Variants in SYT9 observed in about 807,000 individuals in gnomAD.
SYT9 encodes the protein synaptotagmin-9.
Under a neutral mutation model 48.4 loss-of-function variants are expected in SYT9, and 22 were observed. The observed-to-expected ratio is 0.45, with a 90% CI of 0.32 to 0.65. SYT9 has a LOEUF of 0.65. Ranked by LOEUF, SYT9 falls within the 30% of genes least tolerant of loss-of-function variation. The pLI, the probability that SYT9 is intolerant of heterozygous loss-of-function variation, is 0.03. For missense variants in SYT9, 577 were observed against 622.0 expected (o/e 0.93, Z 0.77); for synonymous variants, 265 against 245.0 (o/e 1.08, Z -0.76).
At chr11:7,393,254 C>T (rs539413295) in intron 3 of SYT9, among the ~76,000 whole-genome samples, 102 of 144,100 alleles carry the variant, frequency 7.1e-4, no homozygotes, top group African/African-American at 2.5e-3. Context: ...ATGGCTCTTT[C>T]TATTTTGAGG....
Position 7,416,064 on chromosome 11 carries a change from T to C in SYT9, c.1067T>C (p.Leu356Pro). 6.2e-7 allele frequency: 1 copy of C among 1,614,180 alleles called. No individual in the cohort carries two copies. Among genetic ancestry groups the C allele is most frequent in the Non-Finnish European group, 8.5e-7 (1 of 1,180,022 alleles). Reference protein sequence around the residue: ...VTNDNVDLGELMFSLCYLPTA... With the variant: ...VTNDNVDLGEPMFSLCYLPTA... ...CAGGACAACGTGGATCTGGGAGAGC[T>C]GATGTTTTCCCTGTGCTATCTTCCA... The change falls in exon 4 of 7, where the codon CTG becomes CCG. Residue 356 changes from leucine (L) to proline (P), a missense_variant. Coordinates refer to ENST00000318881, the MANE Select transcript of SYT9 (RefSeq NM_175733.4).
rs571558237 is a variant in SYT9, at chr11:7,296,160, A to G, written c.146-6879A>G. 5.7e-4 allele frequency among the ~76,000 whole-genome samples: 87 copies of G among 152,346 alleles called. 1 individual carries two copies. The highest frequency in any genetic ancestry group is 2.0e-3 in the African/African-American group (85 of 41,582). Reference sequence around the variant, plus strand: ...ACTTCTACCTTCCTAAATATTCACTAAACCCCTAAGAGATAGGTACTATTA... The same window carrying G: ...ACTTCTACCTTCCTAAATATTCACTGAACCCCTAAGAGATAGGTACTATTA... On this transcript the variant is annotated intron_variant, in intron 1 of 6. Coordinates refer to ENST00000318881, the MANE Select transcript of SYT9 (RefSeq NM_175733.4).
intron 2 of SYT9, 73 bp downstream of exon 2, chr11:7,303,463 G>A: frequency 7.7e-7 from 1 of 1,295,056 alleles, no homozygotes; most frequent in Non-Finnish European, 1.0e-6. Flanking sequence ...CAATAGCACT[G>A]ATAGGTCAAG....
At chr11:7,247,535 A>G (rs1847805811), upstream of SYT9, among the ~76,000 whole-genome samples, 1 of 148,674 alleles carries the variant, frequency 6.7e-6, no homozygotes, top group African/African-American at 2.5e-5. Context: ...ATATATACAT[A>G]TATATACACG....
chr11:7,242,021 A>C (rs1057161103), intron 1 of SYT9, among the ~76,000 whole-genome samples: 1 of 152,248 alleles, frequency 6.6e-6, no homozygotes, highest in African/African-American at 2.4e-5. Flanking sequence ...TGCTAATTAC[A>C]ATAACTATTT....
chr11:7,401,875 A>G (rs1000882628), intron 3 of SYT9, among the ~76,000 whole-genome samples: 2 of 150,576 alleles, frequency 1.3e-5, no homozygotes, highest in African/African-American at 2.4e-5. Context: ...CTTTCCTTAT[A>G]TCTCCTTTTT....
intron 3 of SYT9, among the ~76,000 whole-genome samples, chr11:7,336,103 GCT>G (rs1408289792): frequency 6.6e-6 from 1 of 152,064 alleles, no homozygotes; most frequent in East Asian, 1.9e-4. Flanking sequence ...CTGATACTGA[GCT>G]CTTTTTCATA....
chr11:7,241,229 C>T (rs1309845642), intron 1 of SYT9, among the ~76,000 whole-genome samples: 1 of 147,620 alleles, frequency 6.8e-6, no homozygotes, highest in East Asian at 1.9e-4. Context: ...CACACACACA[C>T]ACACACACGC....
chr11:7,323,160 T>G (rs895556129), intron 3 of SYT9, among the ~76,000 whole-genome samples: 2 of 152,134 alleles, frequency 1.3e-5, no homozygotes, highest in East Asian at 3.8e-4. Context: ...CTTTCTTGTA[T>G]GTGTCTCCTG....
chr11:7,454,877 A>G lies in SYT9; in HGVS notation c.1468-11915A>G, dbSNP rs116970756. Among the ~76,000 whole-genome samples, 1,110 of 152,312 alleles carry G rather than the reference A, an allele frequency of 7.3e-3. 5 individuals carry two copies. The highest frequency in any genetic ancestry group is 0.031 in the Middle Eastern group (9 of 294). On this transcript the variant is annotated intron_variant, in intron 6 of 6. Transcript: ENST00000318881. The stretch of plus-strand genomic sequence containing the variant: ...ACCAAGTGGTGAGTTTGCCTGGAGG[A>G]GGCTTCTGTTTCTAAGTCACACAAA...
chr11:7,460,110 G>A (rs1848211996), intron 6 of SYT9, among the ~76,000 whole-genome samples: 1 of 152,012 alleles, frequency 6.6e-6, no homozygotes, highest in South Asian at 2.1e-4. Context: ...AGAGGATTGT[G>A]GTAAGGATTA....
chr11:7,411,625 T>G (rs1034067244), intron 3 of SYT9, among the ~76,000 whole-genome samples: 1 of 152,178 alleles, frequency 6.6e-6, no homozygotes, highest in African/African-American at 2.4e-5. Flanking sequence ...CTAGACACTT[T>G]TGTCTTGCTG....
intron 1 of SYT9, among the ~76,000 whole-genome samples, chr11:7,261,028 C>G (rs1002936106): frequency 3.3e-5 from 5 of 152,212 alleles, no homozygotes; most frequent in Non-Finnish European, 7.3e-5. Context: ...GCAGGCCTGC[C>G]TAGTGCCCAC....
chr11:7,353,857 T>C (rs1849965585), intron 3 of SYT9, among the ~76,000 whole-genome samples: 1 of 152,246 alleles, frequency 6.6e-6, no homozygotes, highest in South Asian at 2.1e-4. Context: ...ATTATATTCA[T>C]GTATTATTTG....
chr11:7,291,124 C>T (rs1439431574), intron 1 of SYT9, among the ~76,000 whole-genome samples: 1 of 152,196 alleles, frequency 6.6e-6, no homozygotes. Flanking sequence ...ATCTGCCACC[C>T]TCCAATATCC....
In SYT9 at chr11:7,466,836, A is replaced by C; in HGVS notation, c.*36A>C. The C allele has an allele frequency of 6.2e-7, 1 of 1,609,380 alleles. No homozygotes were observed. The highest frequency in any genetic ancestry group is 1.7e-4 in the Middle Eastern group (1 of 6,036). ...GAGGACTGCTTGTGCCAAGGACAAA[A>C]TAGGACAACCATCTCACAAAGATCT... On this transcript the variant is annotated 3_prime_UTR_variant, in exon 7 of 7. Coordinates refer to ENST00000318881, the MANE Select transcript of SYT9 (RefSeq NM_175733.4).
intron 6 of SYT9, among the ~76,000 whole-genome samples, chr11:7,434,073 A>G (rs955059915): frequency 6.6e-6 from 1 of 152,190 alleles, no homozygotes; most frequent in Non-Finnish European, 1.5e-5. Flanking sequence ...GCTATTCTCA[A>G]TTCTGTCCCT....
rs1319662572 is a variant in SYT9, at chr11:7,252,376, C to T, written c.145+45C>T. On this transcript the variant is annotated intron_variant, in intron 1 of 6. Transcript: ENST00000318881. The surrounding 1 kb of genome is among the most constrained non-coding windows in gnomAD (Gnocchi z 6.3). ...CCTGGAGGGACCTAAGGGCCCTGGG[C>T]TGGGACTTGGGGCCGCACCGGGGCC... The T allele has an allele frequency of 5.0e-6, 7 of 1,387,596 alleles. No individual in the cohort carries two copies. The Admixed American group carries it at 2.1e-4, about 42-fold the overall frequency. 86.0% of individuals were successfully genotyped at this position (1,387,596 alleles called of 1,614,324 possible). A position where few individuals can be genotyped will look rare whatever the true frequency, so the allele number is the denominator to read the frequency against.
intron 3 of SYT9, chr11:7,314,309 T>C (rs1849201923): frequency 4.9e-6 from 2 of 407,204 alleles, no homozygotes; most frequent in Admixed American, 6.3e-5. Context: ...AGTCTGCAGC[T>C]AAGAGACCAT....
Sources: allele counts gnomAD v4.1 joint callset (sites outside exome capture counted in the v4.1 genomes callset), GRCh38; gene constraint gnomAD v4.1.1; non-coding constraint Gnocchi (gnomAD v3.1); transcripts MANE v1.5; gene names NCBI Gene and HGNC (gene_info 2026-07-23, HGNC 2026-07-21).